Variants in FGF12 observed in about 807,000 individuals in gnomAD.
FGF12 encodes fibroblast growth factor 12B.
A neutral mutation model predicts 23.6 loss-of-function variants in FGF12; 14 were observed. That is an observed-to-expected ratio of 0.59 (90% CI 0.39 to 0.93). The LOEUF (loss-of-function observed/expected upper bound fraction) is 0.93, where lower values mean the gene tolerates loss of function less well. FGF12 is among the 40% of genes least tolerant of loss of function. FGF12 has a pLI of 0.00. For missense variants in FGF12, 175 were observed against 217.8 expected (o/e 0.80, Z 1.24); for synonymous variants, 62 against 77.3 (o/e 0.80, Z 1.04).
chr3:192,323,318 C>A (rs891927399), intron 4 of FGF12, among the ~76,000 whole-genome samples: 5 of 152,160 alleles, frequency 3.3e-5, no homozygotes, highest in Non-Finnish European at 7.4e-5. Flanking sequence ...ACAACCTATC[C>A]ATCAACCGAT....
At chr3:192,358,359 A>T (rs1718568452) in intron 3 of FGF12, among the ~76,000 whole-genome samples, 1 of 152,162 alleles carries the variant, frequency 6.6e-6, no homozygotes, top group Non-Finnish European at 1.5e-5. Context: ...AACACAATTT[A>T]TTAAATTTAT....
At chr3:192,452,878 A>G (rs1285562188) in intron 2 of FGF12, among the ~76,000 whole-genome samples, 1 of 152,188 alleles carries the variant, frequency 6.6e-6, no homozygotes, top group African/African-American at 2.4e-5. Context: ...CTAAAACTTC[A>G]CTATACTTTC....
intron 2 of FGF12, among the ~76,000 whole-genome samples, chr3:192,414,943 G>C (rs1045564519): frequency 6.6e-6 from 1 of 152,136 alleles, no homozygotes; most frequent in Admixed American, 6.5e-5. Context: ...TGTTGGCCAA[G>C]ATAGGGTACT....
At chr3:192,291,405 A>C (rs748144290) in intron 4 of FGF12, among the ~76,000 whole-genome samples, 9 of 152,020 alleles carry the variant, frequency 5.9e-5, no homozygotes, top group Non-Finnish European at 1.2e-4. Flanking sequence ...ACACAGTGAG[A>C]TCTCATCTCC....
At chr3:192,413,863 T>G (rs1054640873) in intron 2 of FGF12, among the ~76,000 whole-genome samples, 3 of 152,222 alleles carry the variant, frequency 2.0e-5, no homozygotes, top group Non-Finnish European at 4.4e-5. Context: ...TCCATGAATT[T>G]TATTATATAA....
At chr3:192,327,814 C>T (rs1386556929) in intron 4 of FGF12, among the ~76,000 whole-genome samples, 1 of 152,020 alleles carries the variant, frequency 6.6e-6, no homozygotes, top group Non-Finnish European at 1.5e-5. Flanking sequence ...ATCCTCTCAC[C>T]TCAGCCTCCT....
intron 4 of FGF12, among the ~76,000 whole-genome samples, chr3:192,301,133 G>T (rs1715328167): frequency 6.6e-6 from 1 of 151,816 alleles, no homozygotes. Flanking sequence ...AAAGTCCAAA[G>T]AAACATGGAC....
chr3:192,672,304 T>C (rs1275904418), intron 2 of FGF12, among the ~76,000 whole-genome samples: 1 of 151,178 alleles, frequency 6.6e-6, no homozygotes, highest in Non-Finnish European at 1.5e-5. Flanking sequence ...AAATAAGATT[T>C]TCCTGTTGTC....
chr3:192,684,100 C>A (rs949025670), intron 2 of FGF12, among the ~76,000 whole-genome samples: 4 of 151,952 alleles, frequency 2.6e-5, no homozygotes, highest in Non-Finnish European at 4.4e-5. Flanking sequence ...ATCTTAGAAT[C>A]CTCTCCCAAA....
intron 2 of FGF12, among the ~76,000 whole-genome samples, chr3:192,452,417 T>C (rs1474436726): frequency 6.6e-6 from 1 of 152,190 alleles, no homozygotes; most frequent in African/African-American, 2.4e-5. Flanking sequence ...CAGTGTTTTA[T>C]TATGGATTTT....
intron 4 of FGF12, among the ~76,000 whole-genome samples, chr3:192,224,936 A>G (rs1718657305): frequency 6.6e-6 from 1 of 152,082 alleles, no homozygotes; most frequent in Non-Finnish European, 1.5e-5. Flanking sequence ...GAAATTCCTG[A>G]TACCATACCC....
At chr3:192,503,246 G>A (rs1724185914) in intron 2 of FGF12, among the ~76,000 whole-genome samples, 1 of 152,110 alleles carries the variant, frequency 6.6e-6, no homozygotes, top group Admixed American at 6.6e-5. Flanking sequence ...TTTAGTCACA[G>A]GTTAATGAGG....
chr3:192,565,200 C>T (rs1389228719), intron 2 of FGF12, among the ~76,000 whole-genome samples: 1 of 152,168 alleles, frequency 6.6e-6, no homozygotes, highest in Non-Finnish European at 1.5e-5. Flanking sequence ...TGGCTTAAAG[C>T]TTAGTGATCC....
chr3:192,657,479 A>T (rs2108681363), intron 2 of FGF12, among the ~76,000 whole-genome samples: 1 of 151,738 alleles, frequency 6.6e-6, no homozygotes, highest in East Asian at 1.9e-4. Context: ...AGAACCTCCC[A>T]TAGTGTAGGG....
Position 192,360,757 on chromosome 3 carries a change from A to C in FGF12, c.14-219T>G, listed in dbSNP as rs917544765. Reference sequence around the variant, plus strand: ...TTTAGCAGTAAACTAAATGCAAATAAATAAAAGCTAATTATGATTGGGAAA... The same window carrying C: ...TTTAGCAGTAAACTAAATGCAAATACATAAAAGCTAATTATGATTGGGAAA... On this transcript the variant is annotated intron_variant, in intron 2 of 5. Transcript: ENST00000445105. This position sits in a 1 kb window ranked among gnomAD's most constrained non-coding sequence, Gnocchi z 4.3. The C allele has an allele frequency of 1.8e-6, 1 of 543,486 alleles. No individual in the cohort carries two copies. Among genetic ancestry groups the C allele is most frequent in the Non-Finnish European group, 3.3e-6 (1 of 302,916 alleles). The allele number at this position is 543,486 out of a possible 1,614,324, so 33.7% of individuals were successfully genotyped here. A position where few individuals can be genotyped will look rare whatever the true frequency, so the allele number is the denominator to read the frequency against.
chr3:192,718,600 C>T (rs575846463), intron 2 of FGF12, among the ~76,000 whole-genome samples: 3 of 152,246 alleles, frequency 2.0e-5, no homozygotes, highest in South Asian at 2.1e-4. Flanking sequence ...TCCAGGTCTC[C>T]GGATCCCCAA....
chr3:192,226,367 T>C (rs1306747064), intron 4 of FGF12, among the ~76,000 whole-genome samples: 1 of 152,196 alleles, frequency 6.6e-6, no homozygotes, highest in African/African-American at 2.4e-5. Context: ...CCTTTAAATT[T>C]TGTATGTAGC....
chr3:192,387,133 G>A (rs1466812712), intron 2 of FGF12, among the ~76,000 whole-genome samples: 1 of 152,108 alleles, frequency 6.6e-6, no homozygotes, highest in African/African-American at 2.4e-5. Flanking sequence ...GCAAATCCTG[G>A]GATCGTAATC....
intron 2 of FGF12, among the ~76,000 whole-genome samples, chr3:192,636,349 G>T (rs1197505128): frequency 6.6e-6 from 1 of 152,260 alleles, no homozygotes; most frequent in African/African-American, 2.4e-5. Context: ...ACATTTTGAG[G>T]GTTCAAATGC....
Sources: allele counts gnomAD v4.1 joint callset (sites outside exome capture counted in the v4.1 genomes callset), GRCh38; gene constraint gnomAD v4.1.1; non-coding constraint Gnocchi (gnomAD v3.1); transcripts MANE v1.5; gene names NCBI Gene and HGNC (gene_info 2026-07-23, HGNC 2026-07-21).